Variants in RBFOX1 observed in about 807,000 individuals in gnomAD.
The protein encoded by RBFOX1 is RNA binding protein fox-1 homolog 1.
RBFOX1 carries 8 observed loss-of-function variants against 57.7 expected under a neutral mutation model. That is an observed-to-expected ratio of 0.14 (90% CI 0.08 to 0.25). The LOEUF (loss-of-function observed/expected upper bound fraction) is 0.25. Ranked by LOEUF, RBFOX1 falls within the 10% of genes least tolerant of loss-of-function variation. RBFOX1 has a pLI of 1.00. For synonymous variants in RBFOX1, 326 were observed against 222.4 expected, an observed-to-expected ratio of 1.47 and a Z score of -4.15; for missense variants, 611 against 548.5, an observed-to-expected ratio of 1.11 and a Z score of -1.14.
At chr16:7,169,384 C>T (rs529478402) in intron 4 of RBFOX1, among the ~76,000 whole-genome samples, 1 of 152,250 alleles carries the variant, frequency 6.6e-6, no homozygotes, top group African/African-American at 2.4e-5. Context: ...TTGTTATGGG[C>T]CAGGGGTTGG....
At chr16:7,193,422 A>G (rs1322054198) in intron 4 of RBFOX1, among the ~76,000 whole-genome samples, 1 of 152,240 alleles carries the variant, frequency 6.6e-6, no homozygotes, top group African/African-American at 2.4e-5. Context: ...TCTGAACTAC[A>G]GAACTATAAG....
chr16:5,855,411 A>G (rs1378661666), intron 3 of RBFOX1, among the ~76,000 whole-genome samples: 1 of 152,180 alleles, frequency 6.6e-6, no homozygotes, highest in Non-Finnish European at 1.5e-5. Context: ...ATAGTGTGAA[A>G]TAAGGATTCA....
chr16:6,654,480 T>C, intron 2 of RBFOX1, 123 bp from the exon 3 acceptor site: 1 of 750,410 alleles, frequency 1.3e-6, no homozygotes, highest in Non-Finnish European at 2.1e-6. Flanking sequence ...GAGAAAGAAC[T>C]ATTAGGAGCA....
chr16:6,719,057 A>C (rs928981922), intron 3 of RBFOX1, among the ~76,000 whole-genome samples: 21 of 151,922 alleles, frequency 1.4e-4, no homozygotes, highest in African/African-American at 5.1e-4. Context: ...TGTACAGATG[A>C]GACTTTGCCA....
At chr16:5,586,204 A>G (rs1425585433) in intron 2 of RBFOX1, among the ~76,000 whole-genome samples, 1 of 152,170 alleles carries the variant, frequency 6.6e-6, no homozygotes, top group Admixed American at 6.5e-5. Context: ...TTCTAGAAGG[A>G]GCCAGCCCTG....
intron 1 of RBFOX1, among the ~76,000 whole-genome samples, chr16:5,336,663 C>A (rs1167979156): frequency 6.6e-6 from 1 of 152,130 alleles, no homozygotes; most frequent in African/African-American, 2.4e-5. Flanking sequence ...GTAGTGATGA[C>A]CCATTCATGA....
intron 1 of RBFOX1, among the ~76,000 whole-genome samples, chr16:5,272,924 A>C (rs116527745): frequency 0.021 from 3,148 of 152,310 alleles, 52 homozygotes; most frequent in Middle Eastern, 0.085. Flanking sequence ...CAGCCTTTGG[A>C]AAGTCATGGT....
intron 1 of RBFOX1, among the ~76,000 whole-genome samples, chr16:6,300,721 C>T (rs528310192): frequency 2.8e-4 from 42 of 152,290 alleles, no homozygotes; most frequent in African/African-American, 9.6e-4. Context: ...CCTACTCTTT[C>T]ATTAAGTGAC....
intron 3 of RBFOX1, among the ~76,000 whole-genome samples, chr16:6,981,929 G>T (rs2089005081): frequency 6.6e-6 from 1 of 152,052 alleles, no homozygotes; most frequent in South Asian, 2.1e-4. Flanking sequence ...CGCATGCATG[G>T]GTCTTTGTAT....
chr16:6,426,299 G>T (rs981754539), intron 2 of RBFOX1, among the ~76,000 whole-genome samples: 5 of 152,020 alleles, frequency 3.3e-5, no homozygotes, highest in Non-Finnish European at 5.9e-5. Context: ...GTGAAGAAGG[G>T]AGAGAGAGAA....
chr16:6,350,689 A>C (rs901159606), intron 2 of RBFOX1, among the ~76,000 whole-genome samples: 1 of 152,154 alleles, frequency 6.6e-6, no homozygotes. Context: ...AGTAATTACT[A>C]GGTCCTAAAG....
At chr16:6,810,026 C>T (rs1282593628) in intron 3 of RBFOX1, among the ~76,000 whole-genome samples, 5 of 132,994 alleles carry the variant, frequency 3.8e-5, no homozygotes, top group Non-Finnish European at 8.0e-5. Flanking sequence ...TTCTCTCTCA[C>T]CTTTTTTTTT....
intron 3 of RBFOX1, among the ~76,000 whole-genome samples, chr16:6,907,986 G>A (rs1208481073): frequency 6.6e-6 from 1 of 151,604 alleles, no homozygotes; most frequent in Non-Finnish European, 1.5e-5. Flanking sequence ...ATGTCTCTGT[G>A]TCTCTATTTT....
chr16:7,370,038 C>G (rs2097538666), intron 4 of RBFOX1, among the ~76,000 whole-genome samples: 1 of 152,182 alleles, frequency 6.6e-6, no homozygotes, highest in Non-Finnish European at 1.5e-5. Context: ...GCTTCTGAAC[C>G]TTGAGACTAT....
At chr16:5,290,982 G>A (rs1458279204) in intron 1 of RBFOX1, among the ~76,000 whole-genome samples, 1 of 152,304 alleles carries the variant, frequency 6.6e-6, no homozygotes, top group Admixed American at 6.5e-5. Context: ...TTACAGGCGT[G>A]AGCCACTGCG....
intron 1 of RBFOX1, among the ~76,000 whole-genome samples, chr16:5,354,747 A>G (rs757794519): frequency 3.3e-5 from 5 of 152,076 alleles, no homozygotes; most frequent in African/African-American, 4.8e-5. Flanking sequence ...ACGCAGCATT[A>G]TTCATTTCGA....
intron 2 of RBFOX1, among the ~76,000 whole-genome samples, chr16:5,536,718 G>A (rs146312608): frequency 1.0e-3 from 152 of 152,174 alleles, no homozygotes; most frequent in Non-Finnish European, 1.8e-3. Context: ...GAACAAGGAA[G>A]AGAAATGGGT....
At chr16:6,781,008 T>C (rs1022253609) in intron 3 of RBFOX1, among the ~76,000 whole-genome samples, 13 of 152,142 alleles carry the variant, frequency 8.5e-5, no homozygotes, top group African/African-American at 3.1e-4. Flanking sequence ...TGTGATCCCA[T>C]TTGACCATTT....
chr16:6,706,337 A>G (rs17140981), intron 3 of RBFOX1, among the ~76,000 whole-genome samples: 12,873 of 152,242 alleles, frequency 0.085, 754 homozygotes, highest in African/African-American at 0.17. Flanking sequence ...TTGCAACTCA[A>G]TTATTAATGT....
Sources: gnomAD v4.1 joint callset for allele counts (sites outside exome capture counted in the v4.1 genomes callset) on GRCh38, gnomAD v4.1.1 for gene constraint, MANE v1.5 for transcripts, NCBI Gene and HGNC (gene_info 2026-07-23, HGNC 2026-07-21) for gene names.